TMEM165: variants seen among roughly 807,000 people sequenced by gnomAD.
TMEM165 encodes transmembrane protein 165, also known as putative divalent cation/proton antiporter TMEM165.
In TMEM165, 19 loss-of-function variants were observed where a neutral mutation model predicts 30.0. The observed-to-expected ratio is 0.63, with a 90% CI of 0.44 to 0.93. The LOEUF is 0.93. Among genes scored for constraint, TMEM165 ranks in the 40% least tolerant of loss-of-function variants. The pLI is 0.00. For missense variants in TMEM165, 340 were observed against 417.0 expected, an observed-to-expected ratio of 0.82 and a Z score of 1.61; for synonymous variants, 168 against 162.9, an observed-to-expected ratio of 1.03 and a Z score of -0.24.
chr4:55,425,050 A>G (rs538076580), intron 5 of TMEM165, among the ~76,000 whole-genome samples: 1 of 152,350 alleles, frequency 6.6e-6, no homozygotes, highest in South Asian at 2.1e-4. Flanking sequence ...TTTGCTAGTC[A>G]GAAGACCTGA....
intron 3 of TMEM165, among the ~76,000 whole-genome samples, chr4:55,441,319 G>A (rs149712312): frequency 7.9e-5 from 12 of 152,172 alleles, no homozygotes; most frequent in East Asian, 1.9e-4. Context: ...TGGTGGGAAC[G>A]TGAGATTTCT....
At chr4:55,433,655 T>C (rs932148840) in intron 3 of TMEM165, 1 of 152,216 alleles carries the variant, frequency 6.6e-6, no homozygotes, top group Non-Finnish European at 1.5e-5. Flanking sequence ...TAACATTTTT[T>C]ATATTCTAAT....
In TMEM165 at chr4:55,411,712, A is replaced by G. The variant is rs1721506150; in HGVS notation, c.306A>G (p.Ser102=). ...GFIHAFVAAI[S]VIIVSELGDK... ...TCCATGCATTTGTCGCTGCCATATC[A>G]GTTATTATTGTATCTGAATTGGGTG... Residue 102 remains serine (S), a synonymous_variant, in exon 2 of 6, where the codon TCA becomes TCG. Coordinates refer to ENST00000381334, the MANE Select transcript of TMEM165 (RefSeq NM_018475.5). The G allele has an allele frequency of 6.2e-7, 1 of 1,614,142 alleles. No homozygotes were observed. The highest frequency in any genetic ancestry group is 8.5e-7 in the Non-Finnish European group (1 of 1,180,028).
At chr4:55,397,888 C>G (rs928834805) in intron 1 of TMEM165, among the ~76,000 whole-genome samples, 1 of 148,464 alleles carries the variant, frequency 6.7e-6, no homozygotes, top group Non-Finnish European at 1.5e-5. Context: ...CGTGTGCTGA[C>G]ACGCCCGGCT....
intron 3 of TMEM165, among the ~76,000 whole-genome samples, chr4:55,439,988 T>C (rs922211902): frequency 6.6e-6 from 1 of 152,186 alleles, no homozygotes; most frequent in Non-Finnish European, 1.5e-5. Flanking sequence ...ATGGTAACTT[T>C]TATGTCATTT....
intron 3 of TMEM165, among the ~76,000 whole-genome samples, chr4:55,437,386 G>C (rs1351252124): frequency 6.6e-6 from 1 of 152,158 alleles, no homozygotes; most frequent in African/African-American, 2.4e-5. Flanking sequence ...GGCCAGAAGG[G>C]GAAAAGGTAG....
rs1723432547 is a variant in TMEM165 at position 55,442,295 on chromosome 4, T to G, written c.409-9944T>G. On this transcript the variant is annotated intron_variant, in intron 3 of 3. Coordinates refer to the TMEM165 transcript ENST00000608091. ...ACAATGAATACATTCAGTGTTTTTATTTCAAATTTAAGAACATTGGCTGCA... is the reference window on the plus strand; with the variant it reads ...ACAATGAATACATTCAGTGTTTTTAGTTCAAATTTAAGAACATTGGCTGCA... The G allele has an allele frequency of 5.1e-6, 4 of 782,260 alleles. No individual in the cohort carries two copies. The East Asian group carries it at 1.1e-4, about 21-fold the overall frequency. The allele number at this position is 782,260 out of a possible 1,614,324, so 48.5% of individuals were successfully genotyped here.
chr4:55,449,380 C>T lies in TMEM165; in HGVS notation c.409-2859C>T, dbSNP rs1272108447. Reference sequence around the variant, plus strand: ...AATAAATCTTTATTCAGAAGAATATCCACTAAAGAGCTTACCTGACTACTA... The same window carrying T: ...AATAAATCTTTATTCAGAAGAATATTCACTAAAGAGCTTACCTGACTACTA... On this transcript the variant is annotated intron_variant, in intron 3 of 3. Transcript: ENST00000608091. 1.9e-6 allele frequency: 3 copies of T among 1,589,886 alleles called. No homozygotes were observed. In the South Asian group the frequency reaches 3.3e-5, roughly 18 times the overall value.
chr4:55,397,628 T>A (rs1720779982), intron 1 of TMEM165, among the ~76,000 whole-genome samples: 1 of 151,958 alleles, frequency 6.6e-6, no homozygotes. Context: ...ACCCTTTCCT[T>A]TCCTTTCCTT....
intron 1 of TMEM165, among the ~76,000 whole-genome samples, chr4:55,400,321 T>C (rs1473386577): frequency 6.2e-5 from 5 of 80,700 alleles, no homozygotes; most frequent in Admixed American, 3.9e-4. Flanking sequence ...ATTAATACTG[T>C]ATTATATATA....
At chr4:55,434,555 A>G (rs940101118) in intron 3 of TMEM165, 4 of 152,186 alleles carry the variant, frequency 2.6e-5, no homozygotes, top group African/African-American at 9.7e-5. Flanking sequence ...ATATTTCTGA[A>G]TAACTTGAAA....
At chr4:55,412,625 A>C (rs1376051288) in intron 2 of TMEM165, 2 of 151,972 alleles carry the variant, frequency 1.3e-5, no homozygotes, top group Non-Finnish European at 2.9e-5. Context: ...TTGCTTCAAA[A>C]TTTATTACAA....
chr4:55,430,322 T>C (rs1352924339), downstream of TMEM165: 2 of 152,056 alleles, frequency 1.3e-5, no homozygotes, highest in Non-Finnish European at 1.5e-5. Context: ...AATACTGTTA[T>C]AAACACTCAC....
At chr4:55,451,809 C>A (rs1439553320) in intron 3 of TMEM165, among the ~76,000 whole-genome samples, 1 of 152,154 alleles carries the variant, frequency 6.6e-6, no homozygotes, top group Non-Finnish European at 1.5e-5. Flanking sequence ...TCTAAACATA[C>A]AAAACCTCTT....
chr4:55,396,975 G>T (rs1720753287), intron 1 of TMEM165: 1 of 152,204 alleles, frequency 6.6e-6, no homozygotes, highest in Admixed American at 6.5e-5. Flanking sequence ...AGCGATGTGG[G>T]ATGCCAAAAC....
At chr4:55,450,433 G>C (rs1344094237) in intron 3 of TMEM165, among the ~76,000 whole-genome samples, 2 of 152,164 alleles carry the variant, frequency 1.3e-5, no homozygotes, top group East Asian at 3.8e-4. Flanking sequence ...TTTAAAGAAA[G>C]AGAAGAAGAA....
intron 2 of TMEM165, chr4:55,415,275 T>C (rs982623781): frequency 6.6e-6 from 1 of 152,226 alleles, no homozygotes; most frequent in Non-Finnish European, 1.5e-5. Flanking sequence ...TTTTCAATGG[T>C]TTATAATTAA....
In TMEM165 at chr4:55,399,510, TGTGA is replaced by T. The variant is rs904383658; in HGVS notation, c.207+3120_207+3123del. ...TAACTATTTTGGATTAAGTTAATTG[TGTGA>T]GTGAGAGATTATGAATATGTAACTT... On this transcript the variant is annotated intron_variant, in intron 1 of 5. Transcript: ENST00000381334. Among the ~76,000 whole-genome samples, 11 of 152,302 alleles carry T rather than the reference TGTGA, an allele frequency of 7.2e-5. 1 individual carries two copies. The South Asian group carries it at 1.9e-3, about 26-fold the overall frequency.
At chr4:55,423,781 G>T (rs896958469) in intron 4 of TMEM165, 1 of 152,296 alleles carries the variant, frequency 6.6e-6, no homozygotes, top group Admixed American at 6.5e-5. Flanking sequence ...ACCAACAAGT[G>T]TCTGAGGACA....
Sources: allele counts gnomAD v4.1 joint callset (sites outside exome capture counted in the v4.1 genomes callset), GRCh38; gene constraint gnomAD v4.1.1; transcripts MANE v1.5; gene names NCBI Gene and HGNC (gene_info 2026-07-23, HGNC 2026-07-21).